The following LRP1B variants were observed in gnomAD, a reference collection of about 807,000 sequenced individuals.
LRP1B encodes the protein low-density lipoprotein receptor-related protein 1B.
LRP1B carries 217 observed loss-of-function variants against 556.6 expected under a neutral mutation model. The observed-to-expected ratio is 0.39, with a 90% CI of 0.35 to 0.44. The LOEUF is 0.44. Ranked by LOEUF, LRP1B falls within the 20% of genes least tolerant of loss-of-function variation. The pLI, the probability that LRP1B is intolerant of heterozygous loss-of-function variation, is 1.00. For missense variants in LRP1B, 5,053 were observed against 5,620.8 expected (o/e 0.90, Z 3.23); for synonymous variants, 2,047 against 1,865.8 (o/e 1.10, Z -2.50).
intron 86 of LRP1B, chr2:140,269,487 T>G: frequency 2.4e-6 from 1 of 409,352 alleles, no homozygotes; most frequent in Non-Finnish European, 4.9e-6. Flanking sequence ...AACGAAAAGG[T>G]TCCCAGATAT....
In LRP1B at chr2:141,165,166, C is replaced by G. The variant is rs150283186; in HGVS notation, c.1013+23255G>C. The stretch of plus-strand genomic sequence containing the variant: ...AAAAGTAGCCAGAGAGCTCTAGTTG[C>G]CAGTATGTTTCAAAAATAATCACAA... On this transcript the variant is annotated intron_variant, in intron 7 of 90. Coordinates refer to ENST00000389484, the MANE Select transcript of LRP1B (RefSeq NM_018557.3). 3.9e-3 allele frequency among the ~76,000 whole-genome samples: 587 copies of G among 151,938 alleles called. 2 individuals carry two copies. The highest frequency in any genetic ancestry group is 0.027 in the Middle Eastern group (8 of 294).
intron 86 of LRP1B, among the ~76,000 whole-genome samples, chr2:140,250,209 G>C (rs1681346992): frequency 6.6e-6 from 1 of 151,732 alleles, no homozygotes; most frequent in Non-Finnish European, 1.5e-5. Flanking sequence ...TAAAATTGCA[G>C]ACGTTTCCCA....
At chr2:141,117,088 G>T (rs1186885082) in intron 7 of LRP1B, among the ~76,000 whole-genome samples, 1 of 151,908 alleles carries the variant, frequency 6.6e-6, no homozygotes. Flanking sequence ...ATTCAGGAAT[G>T]CCCCAAGTAT....
In LRP1B at chr2:140,358,106, T is replaced by C. The variant is rs752632589; in HGVS notation, c.11268A>G (p.Thr3756=). 1.9e-6 allele frequency: 3 copies of C among 1,610,868 alleles called. No individual in the cohort carries two copies. Among genetic ancestry groups the C allele is most frequent in the Non-Finnish European group, 2.5e-6 (3 of 1,177,956 alleles). Reference sequence around the variant, plus strand: ...CCTTTTTACAAGGCCTTGCTTTATATGTCAGCTTACCTATAGAGTCATACA... The same window carrying C: ...CCTTTTTACAAGGCCTTGCTTTATACGTCAGCTTACCTATAGAGTCATACA... The part of the protein sequence containing the change: ...SDEDHCGGKL[T]YKARPCKKDE... The change falls in exon 74 of 91, where the codon ACA becomes ACG. Residue 3756 remains threonine (T), a synonymous_variant. Coordinates refer to ENST00000389484, the MANE Select transcript of LRP1B (RefSeq NM_018557.3).
At chr2:141,226,720 C>T (rs972345440) in intron 6 of LRP1B, among the ~76,000 whole-genome samples, 8 of 152,070 alleles carry the variant, frequency 5.3e-5, no homozygotes, top group Admixed American at 1.3e-4. Context: ...AATATTCAAA[C>T]TTCATTATCA....
chr2:141,871,988 C>T (rs541488299), intron 1 of LRP1B, among the ~76,000 whole-genome samples: 5 of 151,916 alleles, frequency 3.3e-5, no homozygotes, highest in East Asian at 1.9e-4. Flanking sequence ...AGAGAAGAGG[C>T]GATGAGAACC....
chr2:141,873,532 T>C (rs1338528783), intron 1 of LRP1B, among the ~76,000 whole-genome samples: 1 of 151,962 alleles, frequency 6.6e-6, no homozygotes, highest in Non-Finnish European at 1.5e-5. Context: ...GTCAGAGCTA[T>C]TAGTATGACT....
intron 86 of LRP1B, among the ~76,000 whole-genome samples, chr2:140,266,255 A>C (rs905929171): frequency 6.6e-5 from 10 of 151,954 alleles, no homozygotes; most frequent in Non-Finnish European, 1.2e-4. Flanking sequence ...GTGCTTCCAA[A>C]ACATCTTTCA....
At chr2:141,371,441 T>C (rs775359914) in intron 3 of LRP1B, among the ~76,000 whole-genome samples, 7 of 152,288 alleles carry the variant, frequency 4.6e-5, no homozygotes, top group South Asian at 2.1e-4. Context: ...AAAGATTACA[T>C]TGAACCTGTA....
intron 2 of LRP1B, among the ~76,000 whole-genome samples, chr2:141,607,236 G>C (rs1441640228): frequency 6.6e-6 from 1 of 151,700 alleles, no homozygotes; most frequent in African/African-American, 2.4e-5. Flanking sequence ...CCCACCTCTG[G>C]ATTAGGAGTG....
chr2:141,921,204 T>C (rs931238173), intron 1 of LRP1B, among the ~76,000 whole-genome samples: 1 of 152,054 alleles, frequency 6.6e-6, no homozygotes, highest in African/African-American at 2.4e-5. Flanking sequence ...TAAAAGAAAC[T>C]GCATTTTAAC....
At chr2:141,992,455 G>A (rs966595029) in intron 1 of LRP1B, among the ~76,000 whole-genome samples, 2 of 152,186 alleles carry the variant, frequency 1.3e-5, no homozygotes, top group Non-Finnish European at 2.9e-5. Context: ...TACCACACAG[G>A]AAAATGTCTA....
chr2:141,973,053 GTAT>G (rs1701790087), intron 1 of LRP1B, among the ~76,000 whole-genome samples: 1 of 151,374 alleles, frequency 6.6e-6, no homozygotes, highest in African/African-American at 2.4e-5. Context: ...ACTTCAAACT[GTAT>G]TATTATGTAG....
intron 41 of LRP1B, among the ~76,000 whole-genome samples, chr2:140,689,896 A>T (rs1298789635): frequency 2.6e-5 from 4 of 152,196 alleles, no homozygotes; most frequent in Non-Finnish European, 4.4e-5. Context: ...TTCTAACATG[A>T]TGTACTGGGG....
intron 3 of LRP1B, among the ~76,000 whole-genome samples, chr2:141,418,432 A>AT (rs373970330): frequency 0.073 from 10,300 of 140,846 alleles, 1,146 homozygotes; most frequent in African/African-American, 0.24. Flanking sequence ...AGAGCACAAT[A>AT]TTTTTTTTTT....
chr2:141,316,886 T>G (rs141736566), intron 3 of LRP1B, among the ~76,000 whole-genome samples: 3 of 152,228 alleles, frequency 2.0e-5, no homozygotes, highest in Non-Finnish European at 2.9e-5. Context: ...AGTTAAGTAC[T>G]AGCCAGTTTT....
At chr2:141,157,896 A>G (rs1702107596) in intron 7 of LRP1B, among the ~76,000 whole-genome samples, 1 of 152,170 alleles carries the variant, frequency 6.6e-6, no homozygotes, top group Admixed American at 6.5e-5. Flanking sequence ...GAGTTCAGCA[A>G]CCATAATAGT....
At chr2:142,069,741 A>C (rs1295572186) in intron 1 of LRP1B, among the ~76,000 whole-genome samples, 2 of 151,814 alleles carry the variant, frequency 1.3e-5, no homozygotes, top group East Asian at 3.9e-4. Flanking sequence ...GTAGGGTTAC[A>C]AAAGGATAAC....
chr2:141,080,171 A>G (rs1040958928), intron 7 of LRP1B, among the ~76,000 whole-genome samples: 4 of 152,190 alleles, frequency 2.6e-5, no homozygotes, highest in Non-Finnish European at 5.9e-5. Context: ...GAAGCCCTTA[A>G]TGGTGGGAGG....
Sources: gnomAD v4.1 joint callset for allele counts (sites outside exome capture counted in the v4.1 genomes callset) on GRCh38, gnomAD v4.1.1 for gene constraint, MANE v1.5 for transcripts, NCBI Gene and HGNC (gene_info 2026-07-23, HGNC 2026-07-21) for gene names.